The following TMEM267 variants were observed in gnomAD, a reference collection of about 807,000 sequenced individuals.
TMEM267 encodes transmembrane protein C5orf28.
TMEM267 carries 20 observed loss-of-function variants against 19.3 expected under a neutral mutation model. The observed-to-expected ratio is 1.04, with a 90% CI of 0.73 to 1.51. The LOEUF (loss-of-function observed/expected upper bound fraction) is 1.51, where lower values mean the gene tolerates loss of function less well. Ranked by LOEUF, TMEM267 falls within the 40% of genes most tolerant of loss-of-function variation. The pLI is 0.00. For missense variants in TMEM267, 242 were observed against 261.9 expected, an observed-to-expected ratio of 0.92 and a Z score of 0.52; for synonymous variants, 88 against 90.3, an observed-to-expected ratio of 0.97 and a Z score of 0.15.
chr5:43,467,965 T>C (rs1743842270), intron 1 of TMEM267, among the ~76,000 whole-genome samples: 1 of 152,142 alleles, frequency 6.6e-6, no homozygotes, highest in Non-Finnish European at 1.5e-5. Flanking sequence ...TACTTCTTAT[T>C]GATTTGTTGT....
At chr5:43,482,140 G>A (rs1222404694) in intron 1 of TMEM267, among the ~76,000 whole-genome samples, 1 of 152,182 alleles carries the variant, frequency 6.6e-6, no homozygotes, top group East Asian at 1.9e-4. Context: ...ACGGCGCCTG[G>A]CCCCTACTGT....
At chr5:43,474,141 A>G (rs1017884994) in intron 1 of TMEM267, among the ~76,000 whole-genome samples, 2 of 152,256 alleles carry the variant, frequency 1.3e-5, no homozygotes, top group African/African-American at 4.8e-5. Context: ...CTTAAACGTA[A>G]GACCTAAAAC....
rs1479566736 is a variant in TMEM267 at position 43,445,462 on chromosome 5, T to C, written c.*760A>G. ...AACATTTTGTTAATGTTACTTATTATTTTCAAAACAGTTAAAACTAACACA... is the reference window on the plus strand; with the variant it reads ...AACATTTTGTTAATGTTACTTATTACTTTCAAAACAGTTAAAACTAACACA... On this transcript the variant is annotated 3_prime_UTR_variant, in exon 3 of 3. Coordinates refer to ENST00000397080, the MANE Select transcript of TMEM267 (RefSeq NM_022483.5). 1 of 152,120 alleles carries C rather than the reference T, an allele frequency of 6.6e-6. No individual in the cohort carries two copies. Among genetic ancestry groups the C allele is most frequent in the African/African-American group, 2.4e-5 (1 of 41,454 alleles). The allele number at this position is 152,120 out of a possible 1,614,324, so 9.4% of individuals were successfully genotyped here.
At chr5:43,484,171 C>G (rs937418440), upstream of TMEM267, 21 of 152,274 alleles carry the variant, frequency 1.4e-4, no homozygotes, top group African/African-American at 5.1e-4. Context: ...ACGTAGCTGC[C>G]GACATCCCCA....
chr5:43,481,092 C>T (rs1358359301), intron 1 of TMEM267, among the ~76,000 whole-genome samples: 32 of 149,312 alleles, frequency 2.1e-4, no homozygotes, highest in African/African-American at 7.4e-4. Flanking sequence ...GCGTGAGCCA[C>T]TGCGCCCGGC....
intron 1 of TMEM267, among the ~76,000 whole-genome samples, chr5:43,481,573 C>A (rs1411365076): frequency 1.3e-5 from 2 of 152,006 alleles, no homozygotes; most frequent in Admixed American, 6.6e-5. Context: ...AACTGTATCA[C>A]GGTTTACGAA....
At chr5:43,446,633 T>G in intron 2 of TMEM267, 76 bp from the exon 3 acceptor site, 2 of 920,040 alleles carry the variant, frequency 2.2e-6, no homozygotes, top group Non-Finnish European at 3.2e-6. Flanking sequence ...CTTAATATTT[T>G]AAAATATTTT....
At chr5:43,472,844 C>T (rs1305981627) in intron 1 of TMEM267, among the ~76,000 whole-genome samples, 1 of 151,406 alleles carries the variant, frequency 6.6e-6, no homozygotes, top group East Asian at 1.9e-4. Flanking sequence ...TTTATGGGTA[C>T]TAAAAAAACA....
At position 43,456,824 on chromosome 5, in the gene TMEM267, A is replaced by G. The variant is rs542177082; in HGVS notation, c.-74-2781T>C. On this transcript the variant is annotated intron_variant, in intron 1 of 2. Transcript: ENST00000397080. ...ATAAAAAACAGTATGACTATTTTGG[A>G]AAAACAGTTTTCCAATTTCTCAGAA... Among the ~76,000 whole-genome samples, 10 of 152,356 alleles carry G rather than the reference A, an allele frequency of 6.6e-5. No homozygotes were observed. In the East Asian group the frequency reaches 1.7e-3, roughly 26 times the overall value.
chr5:43,480,293 T>C (rs1744679705), intron 1 of TMEM267, among the ~76,000 whole-genome samples: 1 of 152,092 alleles, frequency 6.6e-6, no homozygotes, highest in South Asian at 2.1e-4. Context: ...CACTCAATCT[T>C]TGTTTATATA....
chr5:43,457,737 A>G (rs1434718397), intron 1 of TMEM267, among the ~76,000 whole-genome samples: 1 of 152,206 alleles, frequency 6.6e-6, no homozygotes, highest in East Asian at 1.9e-4. Context: ...TATTAATTAG[A>G]AAAACTTACA....
upstream of TMEM267, chr5:43,484,295 C>T (rs1391850833): frequency 2.6e-5 from 4 of 152,252 alleles, no homozygotes; most frequent in East Asian, 7.7e-4. Flanking sequence ...GCCGTCGCAT[C>T]TCTAAGGTGC....
chr5:43,448,915 T>G (rs1742417023), intron 2 of TMEM267, among the ~76,000 whole-genome samples: 1 of 149,292 alleles, frequency 6.7e-6, no homozygotes, highest in East Asian at 2.0e-4. Flanking sequence ...ACGTTAAATC[T>G]CAAACAACCA....
chr5:43,471,517 G>C (rs1294427970), intron 1 of TMEM267, among the ~76,000 whole-genome samples: 1 of 151,532 alleles, frequency 6.6e-6, no homozygotes, highest in African/African-American at 2.4e-5. Flanking sequence ...AAAACTGGAA[G>C]AATCACATTA....
intron 1 of TMEM267, among the ~76,000 whole-genome samples, chr5:43,466,847 A>C (rs972266216): frequency 5.9e-5 from 9 of 152,022 alleles, no homozygotes; most frequent in African/African-American, 1.4e-4. Flanking sequence ...GGAAGACAGG[A>C]AGGAAAGAAA....
At chr5:43,459,706 G>A (rs1337637484) in intron 1 of TMEM267, among the ~76,000 whole-genome samples, 1 of 152,126 alleles carries the variant, frequency 6.6e-6, no homozygotes, top group Non-Finnish European at 1.5e-5. Flanking sequence ...AAAAAATTAA[G>A]TGGTCAATAA....
Position 43,445,485 on chromosome 5 carries a change from A to G in TMEM267, c.*737T>C, listed in dbSNP as rs1477338882. On this transcript the variant is annotated 3_prime_UTR_variant, in exon 3 of 3. Coordinates refer to ENST00000397080, the MANE Select transcript of TMEM267 (RefSeq NM_022483.5). ...TATTTTCAAAACAGTTAAAACTAAC[A>G]CACGAGATTCTAGGCTAGAGATACC... 2.1e-4 allele frequency: 32 copies of G among 152,170 alleles called. No homozygotes were observed. Among genetic ancestry groups the G allele is most frequent in the Admixed American group, 2.1e-3 (32 of 15,272 alleles). 9.4% of individuals were successfully genotyped at this position (152,170 alleles called of 1,614,324 possible).
chr5:43,481,746 C>A (rs1051230654), intron 1 of TMEM267, among the ~76,000 whole-genome samples: 1 of 152,118 alleles, frequency 6.6e-6, no homozygotes, highest in East Asian at 1.9e-4. Flanking sequence ...CAGCCACTGC[C>A]GACATCCTGA....
At chr5:43,464,555 A>G (rs1477001052) in intron 1 of TMEM267, among the ~76,000 whole-genome samples, 2 of 151,314 alleles carry the variant, frequency 1.3e-5, no homozygotes, top group Admixed American at 1.3e-4. Flanking sequence ...ACTTCAAACT[A>G]TACTACAAGG....
Sources: allele counts gnomAD v4.1 joint callset (sites outside exome capture counted in the v4.1 genomes callset), GRCh38; gene constraint gnomAD v4.1.1; transcripts MANE v1.5; gene names NCBI Gene and HGNC (gene_info 2026-07-23, HGNC 2026-07-21).